The following PALM2AKAP2 variants were observed in gnomAD, a reference collection of about 807,000 sequenced individuals.
The protein encoded by PALM2AKAP2 is PALM2-AKAP2 fusion protein.
Under a neutral mutation model 71.5 loss-of-function variants are expected in PALM2AKAP2, and 37 were observed. That is an observed-to-expected ratio of 0.52 (90% CI 0.40 to 0.68). The LOEUF is 0.68. Among genes scored for constraint, PALM2AKAP2 ranks in the 30% least tolerant of loss-of-function variants. The pLI is 0.00. For missense variants in PALM2AKAP2, 1,224 were observed against 1,191.8 expected, an observed-to-expected ratio of 1.03 and a Z score of -0.40; for synonymous variants, 468 against 478.8, an observed-to-expected ratio of 0.98 and a Z score of 0.29.
At chr9:109,801,860 A>G (rs1472421879) in intron 1 of PALM2AKAP2, among the ~76,000 whole-genome samples, 1 of 152,084 alleles carries the variant, frequency 6.6e-6, no homozygotes, top group Admixed American at 6.5e-5. Context: ...TCATGGTAAG[A>G]AGTTGGGCCA....
chr9:110,035,782 T>C (rs1231484683), intron 7 of PALM2AKAP2, among the ~76,000 whole-genome samples: 2 of 127,370 alleles, frequency 1.6e-5, no homozygotes, highest in South Asian at 2.5e-4. Flanking sequence ...ATATGTAACA[T>C]ATATAGGATA....
At chr9:110,014,804 ATGTATAT>A (rs1289308585) in intron 6 of PALM2AKAP2, among the ~76,000 whole-genome samples, 15 of 4,276 alleles carry the variant, frequency 3.5e-3, no homozygotes, top group East Asian at 0.013. Flanking sequence ...AAAAAAAAAA[ATGTATAT>A]ATATATATAT....
At chr9:110,014,832 A>G (rs1221624561) in intron 6 of PALM2AKAP2, among the ~76,000 whole-genome samples, 1 of 130,730 alleles carries the variant, frequency 7.6e-6, no homozygotes, top group African/African-American at 2.8e-5. Flanking sequence ...ATATATATAT[A>G]TATATATATA....
chr9:109,768,843 G>C (rs1188603360), intron 1 of PALM2AKAP2, among the ~76,000 whole-genome samples: 2 of 152,176 alleles, frequency 1.3e-5, no homozygotes, highest in Admixed American at 1.3e-4. Context: ...AAATAGACCA[G>C]GCAAGGTGGC....
intron 1 of PALM2AKAP2, among the ~76,000 whole-genome samples, chr9:109,691,099 A>G (rs1208629194): frequency 6.6e-6 from 1 of 151,936 alleles, no homozygotes; most frequent in Non-Finnish European, 1.5e-5. Context: ...TAATCGCAGT[A>G]TAAGATTTGC....
At chr9:109,692,140 G>A (rs1313305220) in intron 1 of PALM2AKAP2, among the ~76,000 whole-genome samples, 1 of 150,832 alleles carries the variant, frequency 6.6e-6, no homozygotes, top group Non-Finnish European at 1.5e-5. Context: ...TGTAAAGTAT[G>A]TAAGTCAATG....
At position 110,070,926 on chromosome 9, in the gene PALM2AKAP2, C is replaced by G. The variant is rs1322200962; in HGVS notation, c.156+22071C>G. The stretch of plus-strand genomic sequence containing the variant: ...CCTGTAATCCCAGCACTTTGGGAGG[C>G]TGACGTGGGTGGATCACTTGAAGTC... On this transcript the variant is annotated intron_variant, in intron 1 of 3. Coordinates refer to ENST00000374525, the Ensembl canonical transcript of PALM2AKAP2. Among the ~76,000 whole-genome samples the G allele has an allele frequency of 1.3e-5, 2 of 152,070 alleles. 1 individual carries two copies. Among genetic ancestry groups the G allele is most frequent in the South Asian group, 4.1e-4 (2 of 4,826 alleles).
intron 6 of PALM2AKAP2, among the ~76,000 whole-genome samples, chr9:109,982,298 C>T (rs1832286748): frequency 1.3e-5 from 2 of 151,990 alleles, no homozygotes; most frequent in Non-Finnish European, 2.9e-5. Context: ...TTACCAGAGG[C>T]TCGGAAGGGT....
chr9:109,674,137 T>A (rs939335481), intron 1 of PALM2AKAP2, among the ~76,000 whole-genome samples: 5 of 152,130 alleles, frequency 3.3e-5, no homozygotes, highest in Non-Finnish European at 7.4e-5. Context: ...AATTTTTGGT[T>A]CCAGATACTT....
intron 1 of PALM2AKAP2, among the ~76,000 whole-genome samples, chr9:110,109,360 A>G (rs2118926188): frequency 6.6e-6 from 1 of 151,192 alleles, no homozygotes; most frequent in South Asian, 2.1e-4. Context: ...AACATTTAAA[A>G]AAAAAAAAAA....
intron 1 of PALM2AKAP2, among the ~76,000 whole-genome samples, chr9:109,782,587 T>C (rs1014562948): frequency 3.3e-5 from 5 of 152,102 alleles, no homozygotes; most frequent in African/African-American, 1.2e-4. Context: ...TGTGGGAGGA[T>C]GTGAGTAGGT....
chr9:109,993,774 C>G (rs1832525105), intron 6 of PALM2AKAP2, among the ~76,000 whole-genome samples: 1 of 151,182 alleles, frequency 6.6e-6, no homozygotes, highest in South Asian at 2.1e-4. Flanking sequence ...TTTCCTCTCT[C>G]TCTCCCTCTT....
chr9:109,920,152 C>T (rs945798594), intron 3 of PALM2AKAP2, among the ~76,000 whole-genome samples: 2 of 152,202 alleles, frequency 1.3e-5, no homozygotes, highest in African/African-American at 4.8e-5. Flanking sequence ...TGGGCAAGCA[C>T]TTTTCAAGCC....
At position 109,858,205 on chromosome 9, in the gene PALM2AKAP2, C is replaced by T. The variant is rs552971491; in HGVS notation, c.46-9286C>T. ...CCATGTGACCCTGTCTCTTTATCTTCCTGTGCCTCAGTTTTCTCCTCTGTA... is the reference window on the plus strand; with the variant it reads ...CCATGTGACCCTGTCTCTTTATCTTTCTGTGCCTCAGTTTTCTCCTCTGTA... On this transcript the variant is annotated intron_variant, in intron 1 of 9. Coordinates refer to the PALM2AKAP2 transcript ENST00000302798. Among the ~76,000 whole-genome samples the T allele has an allele frequency of 9.9e-5, 15 of 152,280 alleles. No individual in the cohort carries two copies. In the South Asian group the frequency reaches 1.0e-3, roughly 11 times the overall value.
chr9:109,971,283 CTTTTTTTTTTTTT>C (rs11392589), intron 6 of PALM2AKAP2, among the ~76,000 whole-genome samples: 12 of 45,674 alleles, frequency 2.6e-4, no homozygotes, highest in South Asian at 1.7e-3. Context: ...CTCTTAGTCC[CTTTTTTTTTTTTT>C]TTTTTTTTTT....
At chr9:109,855,068 C>T (rs532358829) in intron 1 of PALM2AKAP2, among the ~76,000 whole-genome samples, 35 of 141,082 alleles carry the variant, frequency 2.5e-4, no homozygotes, top group African/African-American at 9.4e-4. Context: ...ATGCCTGGTG[C>T]CCCCCCCTTT....
chr9:109,745,357 TA>T (rs956908158), intron 1 of PALM2AKAP2, among the ~76,000 whole-genome samples: 2 of 151,172 alleles, frequency 1.3e-5, no homozygotes, highest in African/African-American at 4.9e-5. Flanking sequence ...GTCTCAAAAA[TA>T]AAAAAAAATA....
intron 2 of PALM2AKAP2, among the ~76,000 whole-genome samples, chr9:110,144,360 CA>C (rs1416334782): frequency 1.3e-5 from 2 of 152,226 alleles, no homozygotes; most frequent in African/African-American, 4.8e-5. Flanking sequence ...TGTCCACCAC[CA>C]TATTTCTAGA....
intron 6 of PALM2AKAP2, among the ~76,000 whole-genome samples, chr9:109,957,193 A>G (rs1194439646): frequency 5.9e-5 from 9 of 152,166 alleles, no homozygotes; most frequent in Admixed American, 5.2e-4. Context: ...GGCATAAGCA[A>G]TTTTTCACCG....
Sources: allele counts gnomAD v4.1 joint callset (sites outside exome capture counted in the v4.1 genomes callset), GRCh38; gene constraint gnomAD v4.1.1; transcripts MANE v1.5; gene names NCBI Gene and HGNC (gene_info 2026-07-23, HGNC 2026-07-21).